The following IQCH variants were observed in gnomAD, a reference collection of about 807,000 sequenced individuals.
IQCH encodes the protein IQ domain-containing protein H.
A neutral mutation model predicts 117.0 loss-of-function variants in IQCH; 98 were observed. The ratio of observed to expected loss-of-function variants is 0.84; its 90% CI spans 0.71 to 0.99. IQCH has a LOEUF of 0.99. IQCH is among the 50% of genes least tolerant of loss of function. The probability of loss-of-function intolerance (pLI) is 0.00; values close to 1 mark genes in which losing one functional copy is unlikely to be tolerated. For synonymous variants in IQCH, 412 were observed against 448.2 expected, an observed-to-expected ratio of 0.92 and a Z score of 1.02; for missense variants, 1,102 against 1,243.8, an observed-to-expected ratio of 0.89 and a Z score of 1.72.
At position 67,372,564 on chromosome 15, in the gene IQCH, G is replaced by A. The variant is rs1424569275; in HGVS notation, c.1207G>A (p.Ala403Thr). The change falls in exon 9 of 21, where the codon GCC becomes ACC. Residue 403 changes from alanine (A) to threonine (T), a missense_variant. By Grantham distance (58) the Ala-to-Thr change is moderately conservative. Coordinates refer to ENST00000335894, the MANE Select transcript of IQCH (RefSeq NM_001031715.3). ...RQQKWASGVI[A>T]IAWLLYCHKT... ...GCAGAAGTGGGCATCAGGTGTGATT[G>A]CCATTGCTTGGCTGTTATATTGCCA... The A allele has an allele frequency of 6.2e-7, 1 of 1,614,082 alleles. No homozygotes were observed. Among genetic ancestry groups the A allele is most frequent in the Non-Finnish European group, 8.5e-7 (1 of 1,179,978 alleles).
At chr15:67,318,653 A>G (rs1417450214) in intron 4 of IQCH, among the ~76,000 whole-genome samples, 1 of 152,246 alleles carries the variant, frequency 6.6e-6, no homozygotes, top group African/African-American at 2.4e-5. Context: ...AAAACATATA[A>G]TAAAATTACA....
intron 16 of IQCH, among the ~76,000 whole-genome samples, chr15:67,444,156 G>A (rs576026009): frequency 1.3e-5 from 2 of 152,156 alleles, no homozygotes; most frequent in Non-Finnish European, 2.9e-5. Flanking sequence ...GTTGAATTGA[G>A]TTGAACAGCT....
chr15:67,337,420 T>C (rs1340587122), intron 5 of IQCH, among the ~76,000 whole-genome samples: 1 of 152,224 alleles, frequency 6.6e-6, no homozygotes, highest in Non-Finnish European at 1.5e-5. Context: ...AGATCATTTT[T>C]GATATATTAT....
At chr15:67,371,541 C>T (rs767080927) in intron 8 of IQCH, 10 of 1,484,850 alleles carry the variant, frequency 6.7e-6, no homozygotes, top group Non-Finnish European at 4.7e-6. Context: ...AAGGTGATAA[C>T]ATATAACATA....
At position 67,372,154 on chromosome 15, in the gene IQCH, G is replaced by T. The variant is rs1970555972; in HGVS notation, c.797G>T (p.Trp266Leu). 1 of 1,613,032 alleles carries T rather than the reference G, an allele frequency of 6.2e-7. No homozygotes were observed. Among genetic ancestry groups the T allele is most frequent in the Non-Finnish European group, 8.5e-7 (1 of 1,179,696 alleles). The change falls in exon 9 of 21, where the codon TGG becomes TTG. Residue 266 changes from tryptophan to leucine, a missense_variant. Trp to Leu is a moderately conservative substitution (Grantham distance 61, BLOSUM62 -2). This residue lies in a region of IQCH where 452 missense variants were observed against 449.6 expected (regional missense o/e 1.01). Transcript: ENST00000335894. ...KTPLRALKSL[W>L]DYDFLIYDGV... ...CCTTTGAGAGCCCTGAAATCACTGT[G>T]GGATTATGACTTTTTAATTTATGAT...
rs1467118759 is a variant in IQCH at position 67,447,750 on chromosome 15, G to A, written c.2506-17377G>A. On this transcript the variant is annotated intron_variant, in intron 16 of 20. Coordinates refer to ENST00000335894, the MANE Select transcript of IQCH (RefSeq NM_001031715.3). This position sits in a 1 kb window ranked among gnomAD's most constrained non-coding sequence, Gnocchi z 5.3. ...CCCCTTCTCTTCTGGGTTTGACCATGTCCAGTCCCTCTCAGTCCAGGAGCT... is the reference window on the plus strand; with the variant it reads ...CCCCTTCTCTTCTGGGTTTGACCATATCCAGTCCCTCTCAGTCCAGGAGCT... Among the ~76,000 whole-genome samples the A allele has an allele frequency of 6.6e-6, 1 of 152,168 alleles. No individual in the cohort carries two copies. The highest frequency in any genetic ancestry group is 1.5e-5 in the Non-Finnish European group (1 of 68,032).
rs2081870274 is a variant in IQCH, at chr15:67,425,650, G to T, written c.2505+4073G>T. Among the ~76,000 whole-genome samples the T allele has an allele frequency of 6.6e-6, 1 of 152,118 alleles. No homozygotes were observed. The highest frequency in any genetic ancestry group is 1.5e-5 in the Non-Finnish European group (1 of 68,016). Reference sequence around the variant, plus strand: ...CTATTTCCTCCCTTGTAATTGATTAGTAATATTTTGTAGAAATGTGTTCCA... The same window carrying T: ...CTATTTCCTCCCTTGTAATTGATTATTAATATTTTGTAGAAATGTGTTCCA... On this transcript the variant is annotated intron_variant, in intron 16 of 20. Coordinates refer to ENST00000335894, the MANE Select transcript of IQCH (RefSeq NM_001031715.3). The surrounding 1 kb of genome is among the most constrained non-coding windows in gnomAD (Gnocchi z 5.5).
intron 8 of IQCH, among the ~76,000 whole-genome samples, chr15:67,362,975 T>A (rs1684399848): frequency 6.6e-6 from 1 of 152,244 alleles, no homozygotes; most frequent in African/African-American, 2.4e-5. Flanking sequence ...CAGCACAATT[T>A]AGTCTCCTTT....
chr15:67,372,824 C>A (rs1970596460), intron 9 of IQCH, among the ~76,000 whole-genome samples, 162 bp downstream of exon 9: 1 of 152,034 alleles, frequency 6.6e-6, no homozygotes, highest in Admixed American at 6.6e-5. Context: ...ATGCACAAAC[C>A]CCACATTTGT....
chr15:67,294,037 G>A (rs148627589), intron 4 of IQCH, among the ~76,000 whole-genome samples: 4 of 152,260 alleles, frequency 2.6e-5, no homozygotes, highest in Admixed American at 2.6e-4. Context: ...TAGAGTTTTG[G>A]AAAACATGCT....
Position 67,501,284 on chromosome 15 carries a change from T to C in IQCH, c.*538T>C, listed in dbSNP as rs1319595115. On this transcript the variant is annotated 3_prime_UTR_variant, in exon 21 of 21. Coordinates refer to ENST00000335894, the MANE Select transcript of IQCH (RefSeq NM_001031715.3). This position sits in a 1 kb window ranked among gnomAD's most constrained non-coding sequence, Gnocchi z 5.2. ...ACTATCATTCATCGTGTTTTTGTTA[T>C]ACCAAGCCACTATTGTCTGCTATTG... is the stretch of plus-strand genomic sequence containing the variant. The C allele has an allele frequency of 1.3e-5, 2 of 152,244 alleles. No individual in the cohort carries two copies. The highest frequency in any genetic ancestry group is 6.5e-5 in the Admixed American group (1 of 15,274). The allele number at this position is 152,244 out of a possible 1,614,324, so 9.4% of individuals were successfully genotyped here. A position where few individuals can be genotyped will look rare whatever the true frequency, so the allele number is the denominator to read the frequency against.
Position 67,413,797 on chromosome 15 carries a change from T to C in IQCH, c.2098-3134T>C, listed in dbSNP as rs1485326764. 6.6e-6 allele frequency among the ~76,000 whole-genome samples: 1 copy of C among 152,132 alleles called. No homozygotes were observed. The highest frequency in any genetic ancestry group is 2.4e-5 in the African/African-American group (1 of 41,422). ...AGTGCCTTCAGCTGTGTACCTCTCATGGTAGGACACGATTACTCCTCCAGA... is the reference window on the plus strand; with the variant it reads ...AGTGCCTTCAGCTGTGTACCTCTCACGGTAGGACACGATTACTCCTCCAGA... On this transcript the variant is annotated intron_variant, in intron 14 of 20. Coordinates refer to ENST00000335894, the MANE Select transcript of IQCH (RefSeq NM_001031715.3). The surrounding 1 kb of genome is among the most constrained non-coding windows in gnomAD (Gnocchi z 5.0).
intron 7 of IQCH, among the ~76,000 whole-genome samples, chr15:67,358,929 C>T (rs1970023520): frequency 6.6e-6 from 1 of 152,226 alleles, no homozygotes. Context: ...TGTCATGTGA[C>T]ACCCCAGTTG....
Position 67,476,848 on chromosome 15 carries a change from A to G in IQCH, c.2799+1030A>G, listed in dbSNP as rs1435474637. On this transcript the variant is annotated intron_variant, in intron 18 of 20. Coordinates refer to ENST00000335894, the MANE Select transcript of IQCH (RefSeq NM_001031715.3). This position sits in a 1 kb window ranked among gnomAD's most constrained non-coding sequence, Gnocchi z 4.1. The stretch of plus-strand genomic sequence containing the variant: ...GGAAGACCCACTTTACAGCACCTCA[A>G]ACATCTTAAAATATATTCATCTCCC... 6.6e-6 allele frequency among the ~76,000 whole-genome samples: 1 copy of G among 152,110 alleles called. No homozygotes were observed. The highest frequency in any genetic ancestry group is 1.9e-4 in the East Asian group (1 of 5,194).
rs2082905767 is a variant in IQCH at position 67,465,391 on chromosome 15, A to T, written c.2676+94A>T. On this transcript the variant is annotated intron_variant, in intron 17 of 20. Transcript: ENST00000335894. The surrounding 1 kb of genome is among the most constrained non-coding windows in gnomAD (Gnocchi z 5.9). ...TCTAGGAGCCAGGATCTTTGAGTAC[A>T]GGAAGAAGAAAGAGCCTAAGGCAAG... is the stretch of plus-strand genomic sequence containing the variant. The T allele has an allele frequency of 1.5e-6, 2 of 1,337,144 alleles. No homozygotes were observed. The highest frequency in any genetic ancestry group is 2.6e-5 in the South Asian group (2 of 75,490). The allele number at this position is 1,337,144 out of a possible 1,614,324, so 82.8% of individuals were successfully genotyped here. A position where few individuals can be genotyped will look rare whatever the true frequency, so the allele number is the denominator to read the frequency against.
rs8040837 is a variant in IQCH at position 67,430,927 on chromosome 15, A to G, written c.2505+9350A>G. ...ATAAAAGAGACATCAAAAAGGTAAT[A>G]TCAGTTTAACGGCCAAATGATTTTT... is the stretch of plus-strand genomic sequence containing the variant. On this transcript the variant is annotated intron_variant, in intron 16 of 20. Transcript: ENST00000335894. This position sits in a 1 kb window ranked among gnomAD's most constrained non-coding sequence, Gnocchi z 5.1. 0.99 allele frequency among the ~76,000 whole-genome samples: 151,132 copies of G among 152,322 alleles called. 74,984 individuals carry two copies. The highest frequency in any genetic ancestry group is 1 in the Middle Eastern group (294 of 294).
In IQCH at chr15:67,473,976, G is replaced by A. The variant is rs566291921; in HGVS notation, c.2677-1720G>A. On this transcript the variant is annotated intron_variant, in intron 17 of 20. Transcript: ENST00000335894. This position sits in a 1 kb window ranked among gnomAD's most constrained non-coding sequence, Gnocchi z 4.9. Reference sequence around the variant, plus strand: ...TGGTGGCACTGATGATGTGACCTTCGGACACAGGACTTGATGTAAATGTTG... The same window carrying A: ...TGGTGGCACTGATGATGTGACCTTCAGACACAGGACTTGATGTAAATGTTG... Among the ~76,000 whole-genome samples, 2 of 151,932 alleles carry A rather than the reference G, an allele frequency of 1.3e-5. No homozygotes were observed. The highest frequency in any genetic ancestry group is 1.9e-4 in the East Asian group (1 of 5,164).
chr15:67,395,673 G>T lies in IQCH; in HGVS notation c.1905+110G>T. 1 of 744,092 alleles carries T rather than the reference G, an allele frequency of 1.3e-6. No homozygotes were observed. The highest frequency in any genetic ancestry group is 2.2e-6 in the Non-Finnish European group (1 of 463,398). The allele number at this position is 744,092 out of a possible 1,614,324, so 46.1% of individuals were successfully genotyped here. A position where few individuals can be genotyped will look rare whatever the true frequency, so the allele number is the denominator to read the frequency against. ...AGACCTACCCAATGAAGAATAGGTGGAATATTTGAGTTGATTTGAGGGAAT... is the reference window on the plus strand; with the variant it reads ...AGACCTACCCAATGAAGAATAGGTGTAATATTTGAGTTGATTTGAGGGAAT... On this transcript the variant is annotated intron_variant, in intron 13 of 20. Coordinates refer to ENST00000335894, the MANE Select transcript of IQCH (RefSeq NM_001031715.3). This position sits in a 1 kb window ranked among gnomAD's most constrained non-coding sequence, Gnocchi z 4.0.
chr15:67,270,457 C>T (rs766754759), intron 3 of IQCH, among the ~76,000 whole-genome samples: 12 of 152,178 alleles, frequency 7.9e-5, no homozygotes, highest in Non-Finnish European at 1.8e-4. Context: ...TATGGCTCCA[C>T]CAAGTCCCAT....
Sources: allele counts gnomAD v4.1 joint callset (sites outside exome capture counted in the v4.1 genomes callset), GRCh38; gene constraint gnomAD v4.1.1; regional missense constraint gnomAD v4.1.1; non-coding constraint Gnocchi (gnomAD v3.1); transcripts MANE v1.5; gene names NCBI Gene and HGNC (gene_info 2026-07-23, HGNC 2026-07-21).